The following GABRA6 variants were observed in gnomAD, a reference collection of about 807,000 sequenced individuals.
The protein encoded by GABRA6 is gamma-aminobutyric acid receptor subunit alpha-6.
In GABRA6, 45 loss-of-function variants were observed where a neutral mutation model predicts 47.3. The ratio of observed to expected loss-of-function variants is 0.95; its 90% CI spans 0.75 to 1.22. The LOEUF (loss-of-function observed/expected upper bound fraction) is 1.22. GABRA6 is among the 50% of genes most tolerant of loss of function. GABRA6 has a pLI of 0.00. For synonymous variants in GABRA6, 219 were observed against 194.7 expected (o/e 1.12, Z -1.04); for missense variants, 583 against 549.3 (o/e 1.06, Z -0.61).
chr5:161,689,219 T>C, intron 4 of GABRA6, 35 bp from the exon 5 acceptor site: 1 of 1,612,018 alleles, frequency 6.2e-7, no homozygotes, highest in Non-Finnish European at 8.5e-7. Context: ...ATGTCCATAA[T>C]ACTAACTCAG....
At chr5:161,700,549 G>T (rs901620440) in intron 8 of GABRA6, among the ~76,000 whole-genome samples, 1 of 152,182 alleles carries the variant, frequency 6.6e-6, no homozygotes. Flanking sequence ...TGAGAAAAAT[G>T]TTGGAATGAA....
chr5:161,686,302 C>T lies in GABRA6; in HGVS notation c.111C>T (p.Asp37=), dbSNP rs1754689977. 6.2e-7 allele frequency: 1 copy of T among 1,613,946 alleles called. No homozygotes were observed. Among genetic ancestry groups the T allele is most frequent in the Non-Finnish European group, 8.5e-7 (1 of 1,179,946 alleles). Residue 37 remains aspartate (D), a synonymous_variant, in exon 2 of 9, where the codon GAC becomes GAT. Coordinates refer to ENST00000274545, the MANE Select transcript of GABRA6 (RefSeq NM_000811.3). ...FYSENVSRIL[D]NLLEGYDNRL... ...CAGAAAACGTCAGTCGGATCCTGGA[C>T]AACTTGCTTGAAGGCTATGACAATC... is the stretch of plus-strand genomic sequence containing the variant.
At position 161,686,216 on chromosome 5, in the gene GABRA6, C is replaced by T; in HGVS notation, c.39-14C>T. 6.3e-7 allele frequency: 1 copy of T among 1,579,272 alleles called. No homozygotes were observed. The highest frequency in any genetic ancestry group is 8.7e-7 in the Non-Finnish European group (1 of 1,148,282). ...TGAGCCTGGGAGTAAGGATCATTGACTGTCTACACACAGGCTAGAAAATGC... is the reference window on the plus strand; with the variant it reads ...TGAGCCTGGGAGTAAGGATCATTGATTGTCTACACACAGGCTAGAAAATGC... On this transcript the variant is annotated splice_polypyrimidine_tract_variant and intron_variant, in intron 1 of 8. Transcript: ENST00000274545.
intron 8 of GABRA6, 70 bp downstream of exon 8, chr5:161,692,270 GA>G: frequency 6.3e-7 from 1 of 1,586,310 alleles, no homozygotes; most frequent in Non-Finnish European, 8.7e-7. Context: ...CAGAAACAAC[GA>G]AAGTGTCCAA....
At chr5:161,688,571 T>A (rs1251234398) in intron 3 of GABRA6, among the ~76,000 whole-genome samples, 1 of 152,158 alleles carries the variant, frequency 6.6e-6, no homozygotes, top group Non-Finnish European at 1.5e-5. Flanking sequence ...CAAAGGGGAA[T>A]AGTTAGTCTA....
intron 8 of GABRA6, among the ~76,000 whole-genome samples, chr5:161,696,637 T>A (rs1754891031): frequency 6.6e-6 from 1 of 152,126 alleles, no homozygotes; most frequent in Non-Finnish European, 1.5e-5. Context: ...TTCTGATATG[T>A]TTTCTAGAGA....
chr5:161,700,739 T>C (rs1022077862), intron 8 of GABRA6, among the ~76,000 whole-genome samples: 1 of 152,138 alleles, frequency 6.6e-6, no homozygotes, highest in Admixed American at 6.6e-5. Context: ...GAAAGGAGCA[T>C]ATAACAAGTC....
intron 8 of GABRA6, among the ~76,000 whole-genome samples, chr5:161,700,251 G>C (rs916497584): frequency 2.0e-5 from 3 of 152,176 alleles, no homozygotes; most frequent in Admixed American, 2.0e-4. Flanking sequence ...CTAAAGCCAC[G>C]GGAGTTTGCC....
chr5:161,690,396 C>G (rs977265181), intron 7 of GABRA6, 43 bp downstream of exon 7: 1 of 1,573,402 alleles, frequency 6.4e-7, no homozygotes, highest in African/African-American at 1.3e-5. Flanking sequence ...CATCCTCCAC[C>G]TTTCATTGCT....
intron 6 of GABRA6, 23 bp downstream of exon 6, chr5:161,689,802 G>A (rs1319755734): frequency 1.9e-6 from 3 of 1,604,674 alleles, no homozygotes; most frequent in Non-Finnish European, 2.6e-6. Context: ...CCAAAGGATG[G>A]AAATAATCCC....
chr5:161,694,728 C>T (rs943474425), intron 8 of GABRA6, among the ~76,000 whole-genome samples: 2 of 151,914 alleles, frequency 1.3e-5, no homozygotes, highest in Non-Finnish European at 2.9e-5. Flanking sequence ...TTTAAAGCAA[C>T]ACATAGGGAA....
intron 3 of GABRA6, 118 bp downstream of exon 3, chr5:161,687,121 G>A (rs1349687912): frequency 2.4e-6 from 2 of 822,140 alleles, no homozygotes; most frequent in Non-Finnish European, 4.2e-6. Flanking sequence ...CACAATATTT[G>A]TATTCATGCT....
In GABRA6 at chr5:161,701,866, C is replaced by A. The variant is rs1754987610; in HGVS notation, c.*93C>A. The A allele has an allele frequency of 7.6e-7, 1 of 1,309,810 alleles. No homozygotes were observed. The highest frequency in any genetic ancestry group is 1.7e-5 in the Admixed American group (1 of 58,146). The allele number at this position is 1,309,810 out of a possible 1,614,324, so 81.1% of individuals were successfully genotyped here. A position where few individuals can be genotyped will look rare whatever the true frequency, so the allele number is the denominator to read the frequency against. On this transcript the variant is annotated 3_prime_UTR_variant, in exon 9 of 9. Transcript: ENST00000274545. The stretch of plus-strand genomic sequence containing the variant: ...AGCATTGAGACTTGTGTAGATGCTT[C>A]TCAGAACATGAAATCAAATTGGAAA...
At chr5:161,694,141 A>G (rs117234357) in intron 8 of GABRA6, among the ~76,000 whole-genome samples, 2,082 of 152,202 alleles carry the variant, frequency 0.014, 36 homozygotes, top group East Asian at 0.047. Context: ...GAATTTTTTC[A>G]TATTAGTAGA....
intron 8 of GABRA6, among the ~76,000 whole-genome samples, chr5:161,693,819 GTAA>G (rs905231109): frequency 1.1e-4 from 16 of 151,696 alleles, no homozygotes; most frequent in Non-Finnish European, 2.2e-4. Flanking sequence ...TACTGTTTTT[GTAA>G]TAATAATAAT....
chr5:161,691,873 A>T (rs956272025), intron 7 of GABRA6, 68 bp from the exon 8 acceptor site: 1 of 1,436,454 alleles, frequency 7.0e-7, no homozygotes, highest in African/African-American at 1.4e-5. Flanking sequence ...CCTCTGACAC[A>T]TTCTCATTTG....
In GABRA6 at chr5:161,698,393, A is replaced by C. The variant is rs553414894; in HGVS notation, c.1087-3105A>C. Among the ~76,000 whole-genome samples the C allele has an allele frequency of 2.0e-5, 3 of 152,236 alleles. No homozygotes were observed. The South Asian group carries it at 6.2e-4, about 32-fold the overall frequency. On this transcript the variant is annotated intron_variant, in intron 8 of 8. Coordinates refer to ENST00000274545, the MANE Select transcript of GABRA6 (RefSeq NM_000811.3). ...GCAAAAGATATGAGGGAAAGATAAAAATGGGTGGCAGGTGGATGTTATTTC... is the reference window on the plus strand; with the variant it reads ...GCAAAAGATATGAGGGAAAGATAAACATGGGTGGCAGGTGGATGTTATTTC...
At chr5:161,699,557 CTTT>C (rs35617127) in intron 8 of GABRA6, among the ~76,000 whole-genome samples, 2 of 129,068 alleles carry the variant, frequency 1.5e-5, no homozygotes, top group Admixed American at 8.0e-5. Flanking sequence ...CAGCTGTCAT[CTTT>C]TTTTTTTTTT....
chr5:161,687,437 C>T (rs1310012799), intron 3 of GABRA6: 1 of 440,344 alleles, frequency 2.3e-6, no homozygotes, highest in Non-Finnish European at 4.5e-6. Context: ...TTTATTAAAA[C>T]AGTAAAGAGG....
Sources: gnomAD v4.1 joint callset for allele counts (sites outside exome capture counted in the v4.1 genomes callset) on GRCh38, gnomAD v4.1.1 for gene constraint, MANE v1.5 for transcripts, NCBI Gene and HGNC (gene_info 2026-07-23, HGNC 2026-07-21) for gene names.